Variants in KAT6A observed in about 807,000 individuals in gnomAD.
KAT6A encodes the protein lysine acetyltransferase 6A, also known as histone acetyltransferase KAT6A.
In KAT6A, 9 loss-of-function variants were observed where a neutral mutation model predicts 198.4. That is an observed-to-expected ratio of 0.05 (90% CI 0.03 to 0.08). The LOEUF is 0.08. Ranked by LOEUF, KAT6A falls within the 10% of genes least tolerant of loss-of-function variation. KAT6A has a pLI of 1.00. For missense variants in KAT6A, 2,077 were observed against 2,509.9 expected (o/e 0.83, Z 3.69); for synonymous variants, 890 against 883.0 (o/e 1.01, Z -0.14).
rs755410208 is a variant in KAT6A at position 41,941,053 on chromosome 8, C to T, written c.2828G>A (p.Gly943Glu). Residue 943 changes from glycine (G) to glutamate (E), a missense_variant, in exon 15 of 17, where the codon GGG (glycine) becomes GAG (glutamate). By Grantham distance (98) the Gly-to-Glu change is moderately conservative. Coordinates refer to ENST00000265713, the MANE Select transcript of KAT6A (RefSeq NM_006766.5). Reference protein sequence around the residue: ...PDLPKRRLSEGVEPWRGQLKK... With the variant: ...PDLPKRRLSEEVEPWRGQLKK... ...GAGCTGTCCTCGCCAGGGCTCAACC[C>T]CCTCACTGAGTCTTCTCTTGGGAAG... 9 of 1,614,162 alleles carry T rather than the reference C, an allele frequency of 5.6e-6. No individual in the cohort carries two copies. Among genetic ancestry groups the T allele is most frequent in the Non-Finnish European group, 7.6e-6 (9 of 1,180,038 alleles).
intron 2 of KAT6A, among the ~76,000 whole-genome samples, chr8:41,987,822 T>A (rs1824700389): frequency 6.6e-6 from 1 of 152,212 alleles, no homozygotes; most frequent in Non-Finnish European, 1.5e-5. Context: ...AGAACCTAAA[T>A]GATACAGTGT....
At chr8:41,993,368 G>A (rs1825035196) in intron 2 of KAT6A, among the ~76,000 whole-genome samples, 1 of 152,128 alleles carries the variant, frequency 6.6e-6, no homozygotes, top group Non-Finnish European at 1.5e-5. Context: ...ATACAATATT[G>A]ATATTTACAG....
intron 2 of KAT6A, among the ~76,000 whole-genome samples, chr8:42,000,628 A>G (rs1487499834): frequency 6.6e-6 from 1 of 152,200 alleles, no homozygotes; most frequent in Non-Finnish European, 1.5e-5. Context: ...CATGTTCATT[A>G]AATTTTTAAA....
chr8:41,986,939 G>A (rs1190791440), intron 3 of KAT6A, among the ~76,000 whole-genome samples: 3 of 152,280 alleles, frequency 2.0e-5, no homozygotes, highest in Middle Eastern at 3.4e-3. Context: ...TCGGGAGGCT[G>A]AGGCTGGAAA....
intron 16 of KAT6A, among the ~76,000 whole-genome samples, chr8:41,936,095 CTACTA>C (rs1448347968): frequency 6.6e-6 from 1 of 152,112 alleles, no homozygotes; most frequent in Admixed American, 6.5e-5. Flanking sequence ...AACCCCGTCT[CTACTA>C]AAAATACAAA....
intron 9 of KAT6A, among the ~76,000 whole-genome samples, chr8:41,952,094 C>T (rs986600412): frequency 6.6e-6 from 1 of 152,224 alleles, no homozygotes; most frequent in East Asian, 1.9e-4. Flanking sequence ...GTAATTACAG[C>T]TGCTATTACT....
intron 2 of KAT6A, among the ~76,000 whole-genome samples, chr8:42,002,271 T>G (rs909750257): frequency 6.6e-6 from 1 of 152,224 alleles, no homozygotes; most frequent in Non-Finnish European, 1.5e-5. Context: ...CTCCAGAGCC[T>G]GCATTCTTCA....
In KAT6A at chr8:41,941,171, C is replaced by T. The variant is rs755856755; in HGVS notation, c.2710G>A (p.Glu904Lys). The change falls in exon 15 of 17, where the codon GAG becomes AAG. Residue 904 changes from glutamate to lysine, a missense_variant. By Grantham distance (56) the Glu-to-Lys change is moderately conservative. This residue lies in a region of KAT6A where 301 missense variants were observed against 272.2 expected (regional missense o/e 1.11). Coordinates refer to ENST00000265713, the MANE Select transcript of KAT6A (RefSeq NM_006766.5). Reference sequence around the variant, plus strand: ...TGTTCCTGGGTGGCTTCTGATTTCTCCCCACATTCTCCATATTGTTCCTGA... The same window carrying T: ...TGTTCCTGGGTGGCTTCTGATTTCTTCCCACATTCTCCATATTGTTCCTGA... Reference protein sequence around the residue: ...APQEQYGECGEKSEATQEQYT... With the variant: ...APQEQYGECGKKSEATQEQYT... The T allele has an allele frequency of 4.3e-5, 69 of 1,614,030 alleles. No homozygotes were observed. Among genetic ancestry groups the T allele is most frequent in the Non-Finnish European group, 5.7e-5 (67 of 1,180,036 alleles).
At chr8:41,964,999 G>C (rs990969898) in intron 8 of KAT6A, among the ~76,000 whole-genome samples, 1 of 152,146 alleles carries the variant, frequency 6.6e-6, no homozygotes, top group African/African-American at 2.4e-5. Flanking sequence ...AAATACAGGA[G>C]ATAGGGTGAT....
At chr8:41,962,691 T>C (rs947879976) in intron 8 of KAT6A, among the ~76,000 whole-genome samples, 7 of 151,690 alleles carry the variant, frequency 4.6e-5, no homozygotes, top group African/African-American at 1.7e-4. Context: ...AGGGTTCCCA[T>C]CTCATTCAGA....
intron 2 of KAT6A, among the ~76,000 whole-genome samples, chr8:42,032,568 C>T (rs1318335722): frequency 6.6e-6 from 1 of 152,090 alleles, no homozygotes; most frequent in Non-Finnish European, 1.5e-5. Context: ...GCAAAGCAAT[C>T]AAAGAGAGCA....
intron 7 of KAT6A, among the ~76,000 whole-genome samples, chr8:41,976,643 C>T (rs1232649980): frequency 6.6e-6 from 1 of 152,150 alleles, no homozygotes; most frequent in Non-Finnish European, 1.5e-5. Context: ...TTTCCAGTTT[C>T]CTTCCTGGAA....
chr8:41,932,387 G>C lies in KAT6A; in HGVS notation c.5833C>G (p.Gln1945Glu). Reference protein sequence around the residue: ...SYHSNPAYMNQTAQYPMQMQM... With the variant: ...SYHSNPAYMNETAQYPMQMQM... ...ATCTGCATAGGATACTGTGCTGTCT[G>C]GTTCATGTAGGCAGGGTTACTATGG... Residue 1945 changes from glutamine to glutamate, a missense_variant, in exon 17 of 17, where the codon CAG (glutamine) becomes GAG (glutamate). Transcript: ENST00000265713. 6.2e-7 allele frequency: 1 copy of C among 1,614,212 alleles called. No homozygotes were observed. Among genetic ancestry groups the C allele is most frequent in the Non-Finnish European group, 8.5e-7 (1 of 1,180,044 alleles).
chr8:42,032,362 T>C (rs1827174400), intron 2 of KAT6A, among the ~76,000 whole-genome samples: 2 of 152,186 alleles, frequency 1.3e-5, no homozygotes, highest in South Asian at 4.1e-4. Flanking sequence ...AAAAAATATA[T>C]GTATGTGAAA....
intron 1 of KAT6A, among the ~76,000 whole-genome samples, chr8:42,050,166 A>T (rs1361335873): frequency 6.6e-6 from 1 of 152,210 alleles, no homozygotes; most frequent in Non-Finnish European, 1.5e-5. Flanking sequence ...TACACTGGCT[A>T]CTTGTAGGAC....
intron 2 of KAT6A, 100 bp downstream of exon 2, chr8:42,048,277 AG>A: frequency 7.8e-7 from 1 of 1,285,358 alleles, no homozygotes; most frequent in Non-Finnish European, 1.1e-6. Flanking sequence ...ACTCCACAGA[AG>A]TCCCCAAACA....
At chr8:41,937,123 G>C (rs765384320) in intron 16 of KAT6A, 133 bp downstream of exon 16, 71 of 652,552 alleles carry the variant, frequency 1.1e-4, no homozygotes, top group Non-Finnish European at 1.6e-4. Context: ...ACTTTTTAGA[G>C]ATTGCCAAAC....
intron 2 of KAT6A, among the ~76,000 whole-genome samples, chr8:42,033,814 C>G (rs1827245818): frequency 6.6e-6 from 1 of 152,002 alleles, no homozygotes; most frequent in Non-Finnish European, 1.5e-5. Context: ...CCAAACAAAA[C>G]AGTTAAAAAT....
intron 2 of KAT6A, among the ~76,000 whole-genome samples, chr8:42,004,000 G>T (rs1369002899): frequency 1.3e-5 from 2 of 152,286 alleles, no homozygotes; most frequent in East Asian, 1.9e-4. Flanking sequence ...ACGGTATTCT[G>T]TAATAACAGC....
Sources: gnomAD v4.1 joint callset for allele counts (sites outside exome capture counted in the v4.1 genomes callset) on GRCh38, gnomAD v4.1.1 for gene constraint, gnomAD v4.1.1 regional missense constraint, MANE v1.5 for transcripts, NCBI Gene and HGNC (gene_info 2026-07-23, HGNC 2026-07-21) for gene names.